The following SLC4A5 variants were observed in gnomAD, a reference collection of about 807,000 sequenced individuals.
The protein encoded by SLC4A5 is solute carrier family 4 member 5.
SLC4A5 carries 96 observed loss-of-function variants against 120.4 expected under a neutral mutation model. The observed-to-expected ratio is 0.80, with a 90% confidence interval of 0.68 to 0.94. SLC4A5 has a LOEUF of 0.94. SLC4A5 is among the 40% of genes least tolerant of loss of function. The pLI, the probability that SLC4A5 is intolerant of heterozygous loss-of-function variation, is 0.00. For missense variants in SLC4A5, 1,259 were observed against 1,459.5 expected (o/e 0.86, Z 2.24); for synonymous variants, 550 against 571.1 (o/e 0.96, Z 0.53).
rs575842149 is a variant in SLC4A5 at position 74,222,312 on chromosome 2, A to G, written c.3331+556T>C. Among the ~76,000 whole-genome samples the G allele has an allele frequency of 2.4e-3, 367 of 152,248 alleles. 2 individuals carry two copies. Among genetic ancestry groups the G allele is most frequent in the African/African-American group, 8.0e-3 (334 of 41,568 alleles). ...TGGGGACACCTGGGGAAAGGAGGGA[A>G]TGAGGGATTTTGCCTCAACTAAAGT... On this transcript the variant is annotated intron_variant, in intron 29 of 30. Coordinates refer to ENST00000394019, the Ensembl canonical transcript of SLC4A5.
chr2:74,310,985 T>C (rs1672789310), intron 6 of SLC4A5, among the ~76,000 whole-genome samples: 1 of 152,038 alleles, frequency 6.6e-6, no homozygotes, highest in Non-Finnish European at 1.5e-5. Context: ...ATTACTTCTT[T>C]AATAGTAATA....
rs898690598 is a variant in SLC4A5 at position 74,308,433 on chromosome 2, G to A, written c.80-3753C>T. Among the ~76,000 whole-genome samples the A allele has an allele frequency of 6.6e-5, 10 of 152,202 alleles. No homozygotes were observed. The South Asian group carries it at 1.7e-3, about 25-fold the overall frequency. On this transcript the variant is annotated intron_variant, in intron 6 of 30. Coordinates refer to ENST00000394019, the Ensembl canonical transcript of SLC4A5. ...AAAATAGCCATTCTAATAGGTGTTAGTGGATCTTATTGTTTTAATTTTAAA... is the reference window on the plus strand; with the variant it reads ...AAAATAGCCATTCTAATAGGTGTTAATGGATCTTATTGTTTTAATTTTAAA...
intron 8 of SLC4A5, among the ~76,000 whole-genome samples, chr2:74,270,882 C>T (rs1671454663): frequency 6.6e-6 from 1 of 152,202 alleles, no homozygotes; most frequent in East Asian, 1.9e-4. Flanking sequence ...GGATCTGATT[C>T]TCATTATACA....
rs184053143 is a variant in SLC4A5, at chr2:74,340,760, C to T, written c.-270+1698G>A. On this transcript the variant is annotated intron_variant, in intron 2 of 30. Transcript: ENST00000394019. Reference sequence around the variant, plus strand: ...CAACAACCCTGACGGGGTTGAGGACCCTGGTTAGCTAAATAAGTGAGGAAG... The same window carrying T: ...CAACAACCCTGACGGGGTTGAGGACTCTGGTTAGCTAAATAAGTGAGGAAG... Among the ~76,000 whole-genome samples the T allele has an allele frequency of 4.9e-4, 75 of 152,204 alleles. No homozygotes were observed. The East Asian group carries it at 6.0e-3, about 12-fold the overall frequency.
intron 5 of SLC4A5, among the ~76,000 whole-genome samples, chr2:74,327,058 A>G (rs1673234453): frequency 6.6e-6 from 1 of 152,244 alleles, no homozygotes; most frequent in African/African-American, 2.4e-5. Flanking sequence ...CTTATTGAGT[A>G]TCCACTTTGT....
At chr2:74,302,293 G>A (rs910028150) in intron 7 of SLC4A5, among the ~76,000 whole-genome samples, 4 of 152,156 alleles carry the variant, frequency 2.6e-5, no homozygotes, top group Admixed American at 2.6e-4. Context: ...AGCAGACGGT[G>A]AAGGAAATGC....
At chr2:74,290,356 C>T in intron 7 of SLC4A5, 5 of 985,380 alleles carry the variant, frequency 5.1e-6, no homozygotes, top group Non-Finnish European at 6.0e-6. Context: ...TCCTCTTCTT[C>T]ACACAACAAA....
At chr2:74,280,494 T>C (rs550245911) in intron 8 of SLC4A5, among the ~76,000 whole-genome samples, 4 of 152,288 alleles carry the variant, frequency 2.6e-5, no homozygotes, top group East Asian at 1.9e-4. Flanking sequence ...ATAATAAATA[T>C]TAGTTGATGA....
chr2:74,281,355 G>A (rs1416264545), intron 8 of SLC4A5, among the ~76,000 whole-genome samples: 1 of 152,210 alleles, frequency 6.6e-6, no homozygotes, highest in Non-Finnish European at 1.5e-5. Flanking sequence ...TTCCAACCCA[G>A]GTCATTCTCC....
At chr2:74,243,815 G>C (rs1256222953) in intron 19 of SLC4A5, among the ~76,000 whole-genome samples, 1 of 152,124 alleles carries the variant, frequency 6.6e-6, no homozygotes, top group African/African-American at 2.4e-5. Context: ...TTTCAGAAAG[G>C]GTCCAAGTAT....
At chr2:74,304,262 G>A (rs1264736061) in intron 7 of SLC4A5, among the ~76,000 whole-genome samples, 2 of 152,182 alleles carry the variant, frequency 1.3e-5, no homozygotes, top group Non-Finnish European at 2.9e-5. Context: ...GATCAGAGTC[G>A]AGGTCTCAAA....
intron 5 of SLC4A5, among the ~76,000 whole-genome samples, chr2:74,327,803 A>T (rs80077275): frequency 0.014 from 2,194 of 152,230 alleles, 55 homozygotes; most frequent in African/African-American, 0.051. Context: ...AGAAAGATTC[A>T]GTTCTATTAG....
chr2:74,239,379 G>C (rs1454436757), exon 21 of SLC4A5: 1 of 1,614,100 alleles, frequency 6.2e-7, no homozygotes, highest in African/African-American at 1.3e-5. Context: ...TTCAGGGTCA[G>C]GGTCATGGAG....
intron 19 of SLC4A5, among the ~76,000 whole-genome samples, chr2:74,243,478 T>C (rs1215722060): frequency 1.3e-5 from 2 of 152,194 alleles, no homozygotes; most frequent in Admixed American, 6.5e-5. Context: ...TTTGTTAGGA[T>C]TGTTCTGAGG....
chr2:74,322,236 TTAC>T (rs1269961688), intron 5 of SLC4A5, among the ~76,000 whole-genome samples: 5 of 152,162 alleles, frequency 3.3e-5, no homozygotes, highest in African/African-American at 7.2e-5. Flanking sequence ...AAGTTTTATG[TTAC>T]TTTTAGCTGA....
chr2:74,236,442 T>C (rs1214064741), intron 21 of SLC4A5, among the ~76,000 whole-genome samples: 1 of 152,160 alleles, frequency 6.6e-6, no homozygotes, highest in Non-Finnish European at 1.5e-5. Context: ...ACTGCCTCTA[T>C]CCTCCTACCA....
At chr2:74,249,526 G>C (rs530256453) in intron 17 of SLC4A5, among the ~76,000 whole-genome samples, 1 of 152,336 alleles carries the variant, frequency 6.6e-6, no homozygotes, top group East Asian at 1.9e-4. Flanking sequence ...TGGGAGATGA[G>C]GCGTGAGAGC....
chr2:74,224,346 T>C (rs1694766160), intron 28 of SLC4A5, among the ~76,000 whole-genome samples: 1 of 152,174 alleles, frequency 6.6e-6, no homozygotes, highest in African/African-American at 2.4e-5. Context: ...TACCTGCCTC[T>C]TTCCCCATCT....
chr2:74,231,255 AAGAC>A lies in SLC4A5; in HGVS notation c.2824_2827del (p.Val942SerfsTer6). 6.2e-7 allele frequency: 1 copy of A among 1,611,660 alleles called. No homozygotes were observed. On this transcript the variant is annotated frameshift_variant, in exon 25 of 31. Coordinates refer to ENST00000394019, the Ensembl canonical transcript of SLC4A5. LOFTEE classifies it high-confidence loss of function. ...CCTCACCTTTAGGATGGGAGCCAGG[AAGAC>A]AGAGATTCCCGTCAGGATGAAGACG... is the stretch of plus-strand genomic sequence containing the variant.
Sources: gnomAD v4.1 joint callset for allele counts (sites outside exome capture counted in the v4.1 genomes callset) on GRCh38, gnomAD v4.1.1 for gene constraint, MANE v1.5 for transcripts, NCBI Gene and HGNC (gene_info 2026-07-23, HGNC 2026-07-21) for gene names.